Variants in ACTN4 observed in about 807,000 individuals in gnomAD.
The protein encoded by ACTN4 is actinin alpha 4.
A neutral mutation model predicts 114.2 loss-of-function variants in ACTN4; 18 were observed. The ratio of observed to expected loss-of-function variants is 0.16; its 90% CI spans 0.11 to 0.23. ACTN4 has a LOEUF of 0.23. Ranked by LOEUF, ACTN4 falls within the 10% of genes least tolerant of loss-of-function variation. The pLI, the probability that ACTN4 is intolerant of heterozygous loss-of-function variation, is 1.00. For synonymous variants in ACTN4, 515 were observed against 506.3 expected (o/e 1.02, Z -0.23); for missense variants, 722 against 1,262.9 (o/e 0.57, Z 6.49).
At chr19:38,720,839 C>G (rs1377987257) in intron 11 of ACTN4, among the ~76,000 whole-genome samples, 1 of 152,250 alleles carries the variant, frequency 6.6e-6, no homozygotes, top group Non-Finnish European at 1.5e-5. Flanking sequence ...GGCAGGGCCC[C>G]TGTAGGAGCT....
intron 1 of ACTN4, among the ~76,000 whole-genome samples, chr19:38,660,297 T>A: frequency 6.6e-6 from 1 of 152,206 alleles, no homozygotes; most frequent in Non-Finnish European, 1.5e-5. Flanking sequence ...ACAAGGTAAC[T>A]TCAGATAGGA....
intron 1 of ACTN4, among the ~76,000 whole-genome samples, chr19:38,681,395 T>C (rs1172594563): frequency 6.6e-6 from 1 of 151,498 alleles, no homozygotes; most frequent in African/African-American, 2.4e-5. Context: ...GTCAGGTTAC[T>C]CTGGGAGATC....
chr19:38,720,124 C>G (rs535500411), intron 11 of ACTN4, among the ~76,000 whole-genome samples: 2 of 152,212 alleles, frequency 1.3e-5, no homozygotes, highest in African/African-American at 4.8e-5. Flanking sequence ...AGGGTCTGGT[C>G]GTAGCGGCCT....
intron 1 of ACTN4, among the ~76,000 whole-genome samples, chr19:38,699,341 C>T (rs1353974351): frequency 6.6e-6 from 1 of 152,214 alleles, no homozygotes; most frequent in Non-Finnish European, 1.5e-5. Context: ...TTAGTACCCT[C>T]CATCCCTTCC....
rs1315279020 is a variant in ACTN4 at position 38,717,499 on chromosome 19, G to A, written c.1143+183G>A. The stretch of plus-strand genomic sequence containing the variant: ...TCACTCGGCATTGTGCTCCCCTTTG[G>A]CCCTCACTCACTGTATTTTACACCC... On this transcript the variant is annotated intron_variant, in intron 10 of 20. Transcript: ENST00000252699. This position sits in a 1 kb window ranked among gnomAD's most constrained non-coding sequence, Gnocchi z 4.0. Among the ~76,000 whole-genome samples the A allele has an allele frequency of 6.6e-6, 1 of 152,130 alleles. No homozygotes were observed. Among genetic ancestry groups the A allele is most frequent in the Non-Finnish European group, 1.5e-5 (1 of 68,022 alleles).
chr19:38,717,053 C>A lies in ACTN4; in HGVS notation c.913-33C>A. On this transcript the variant is annotated intron_variant, in intron 9 of 20. Coordinates refer to ENST00000252699, the MANE Select transcript of ACTN4 (RefSeq NM_004924.6). This position sits in a 1 kb window ranked among gnomAD's most constrained non-coding sequence, Gnocchi z 4.0. ...GCCCGTCAGCACTCTGAGGGTCCCC[C>A]ACAAAGGCCACGCTGGCTTCTGTGG... 6.3e-7 allele frequency: 1 copy of A among 1,595,396 alleles called. No homozygotes were observed. Among genetic ancestry groups the A allele is most frequent in the South Asian group, 1.1e-5 (1 of 88,802 alleles).
rs749663268 is a variant in ACTN4, at chr19:38,717,286, C to A, written c.1113C>A (p.Ala371=). The A allele has an allele frequency of 1.1e-5, 17 of 1,614,008 alleles. No homozygotes were observed. Among genetic ancestry groups the A allele is most frequent in the Middle Eastern group, 3.3e-4 (2 of 6,084 alleles). Reference sequence around the variant, plus strand: ...AGCTGCGCCTCAGCAACCGGCCCGCCTTCATGCCCTCCGAGGGCAAGATGG... The same window carrying A: ...AGCTGCGCCTCAGCAACCGGCCCGCATTCATGCCCTCCGAGGGCAAGATGG... The part of the protein sequence containing the change: ...QTKLRLSNRP[A]FMPSEGKMVS... The change falls in exon 10 of 21, where the codon GCC becomes GCA. Residue 371 remains alanine, a synonymous_variant. Coordinates refer to ENST00000252699, the MANE Select transcript of ACTN4 (RefSeq NM_004924.6). The surrounding 1 kb of genome is among the most constrained non-coding windows in gnomAD (Gnocchi z 4.0).
chr19:38,649,496 A>G (rs1017419908), intron 1 of ACTN4, among the ~76,000 whole-genome samples: 3 of 152,112 alleles, frequency 2.0e-5, no homozygotes, highest in African/African-American at 7.2e-5. Context: ...GTGGCCTTGG[A>G]CAAGACCCTT....
intron 1 of ACTN4, among the ~76,000 whole-genome samples, chr19:38,676,412 G>A (rs78049720): frequency 0.014 from 2,152 of 152,280 alleles, 58 homozygotes; most frequent in African/African-American, 0.048. Flanking sequence ...CTGACTCTTG[G>A]TATTGCTGGA....
At chr19:38,701,782 A>T (rs887816211) in intron 3 of ACTN4, among the ~76,000 whole-genome samples, 2 of 152,250 alleles carry the variant, frequency 1.3e-5, no homozygotes, top group African/African-American at 4.8e-5. Context: ...GCGAGGCCTG[A>T]TGGAGCCCCA....
chr19:38,701,127 C>G lies in ACTN4; in HGVS notation c.397+6C>G. Reference sequence around the variant, plus strand: ...GGTCTCCATCGGGGCAGAAGGTGAGCTGGAGGTGGGGCAGCGAGGGTCCTG... The same window carrying G: ...GGTCTCCATCGGGGCAGAAGGTGAGGTGGAGGTGGGGCAGCGAGGGTCCTG... On this transcript the variant is annotated splice_donor_region_variant and intron_variant, in intron 3 of 20. Transcript: ENST00000252699. 1.2e-6 allele frequency: 2 copies of G among 1,613,884 alleles called. No homozygotes were observed. The highest frequency in any genetic ancestry group is 8.5e-7 in the Non-Finnish European group (1 of 1,180,022).
chr19:38,696,406 C>T (rs556327504), intron 1 of ACTN4, among the ~76,000 whole-genome samples: 44 of 152,082 alleles, frequency 2.9e-4, no homozygotes, highest in African/African-American at 6.3e-4. Context: ...GCGTGGTGGG[C>T]GCATAGGGCC....
intron 1 of ACTN4, among the ~76,000 whole-genome samples, chr19:38,690,712 T>TA (rs1392472024): frequency 2.0e-5 from 3 of 152,224 alleles, no homozygotes; most frequent in Non-Finnish European, 4.4e-5. Context: ...GTGCTGGGAT[T>TA]ACAGGCGTGA....
At chr19:38,711,205 GGCCC>G in intron 8 of ACTN4, 1 of 809,284 alleles carries the variant, frequency 1.2e-6, no homozygotes, top group Non-Finnish European at 1.5e-6. Context: ...GCCTCAGGCC[GGCCC>G]GGCCGCCCTC....
At chr19:38,713,259 C>G (rs1439025273) in intron 8 of ACTN4, among the ~76,000 whole-genome samples, 4 of 152,230 alleles carry the variant, frequency 2.6e-5, no homozygotes, top group African/African-American at 7.2e-5. Context: ...CTGAACACCG[C>G]CAGTGCACTG....
At chr19:38,661,413 C>A (rs1445726999) in intron 1 of ACTN4, among the ~76,000 whole-genome samples, 1 of 152,198 alleles carries the variant, frequency 6.6e-6, no homozygotes, top group African/African-American at 2.4e-5. Flanking sequence ...TTTTATGGCA[C>A]TGTGTACTAC....
chr19:38,722,204 G>A lies in ACTN4; in HGVS notation c.1442+516G>A, dbSNP rs888366634. ...TCAGATAAACTTGTGTACACAATTA[G>A]TACGCTGAGGGTCGCGCTGGTGAAT... is the stretch of plus-strand genomic sequence containing the variant. On this transcript the variant is annotated intron_variant, in intron 12 of 20. Transcript: ENST00000252699. Among the ~76,000 whole-genome samples the A allele has an allele frequency of 2.0e-5, 3 of 152,124 alleles. 1 individual carries two copies. Among genetic ancestry groups the A allele is most frequent in the Non-Finnish European group, 4.4e-5 (3 of 68,012 alleles).
In ACTN4 at chr19:38,717,614, G is replaced by A. The variant is rs927930779; in HGVS notation, c.1143+298G>A. ...GAGCCGTGGTCTGCCATGATGGCATGACCGCCATGTGCTTGAGGCCCTTCA... is the reference window on the plus strand; with the variant it reads ...GAGCCGTGGTCTGCCATGATGGCATAACCGCCATGTGCTTGAGGCCCTTCA... On this transcript the variant is annotated intron_variant, in intron 10 of 20. Transcript: ENST00000252699. This position sits in a 1 kb window ranked among gnomAD's most constrained non-coding sequence, Gnocchi z 4.0. Among the ~76,000 whole-genome samples the A allele has an allele frequency of 1.3e-5, 2 of 152,206 alleles. No homozygotes were observed. Among genetic ancestry groups the A allele is most frequent in the Non-Finnish European group, 2.9e-5 (2 of 68,030 alleles).
intron 1 of ACTN4, among the ~76,000 whole-genome samples, chr19:38,663,687 C>T (rs984610484): frequency 6.6e-6 from 1 of 152,198 alleles, no homozygotes; most frequent in Non-Finnish European, 1.5e-5. Context: ...GCTACCAGTT[C>T]CTGTCCCCAT....
Sources: allele counts gnomAD v4.1 joint callset (sites outside exome capture counted in the v4.1 genomes callset), GRCh38; gene constraint gnomAD v4.1.1; non-coding constraint Gnocchi (gnomAD v3.1); transcripts MANE v1.5; gene names NCBI Gene and HGNC (gene_info 2026-07-23, HGNC 2026-07-21).